The following DPY19L1 variants were observed in gnomAD, a reference collection of about 807,000 sequenced individuals.
The protein encoded by DPY19L1 is dpy-19 like C-mannosyltransferase 1, also known as protein C-mannosyl-transferase DPY19L1.
In DPY19L1, 35 loss-of-function variants were observed where a neutral mutation model predicts 96.9. That is an observed-to-expected ratio of 0.36 (90% CI 0.28 to 0.48). The LOEUF is 0.48. DPY19L1 is among the 20% of genes least tolerant of loss of function. The pLI is 0.99. For synonymous variants in DPY19L1, 205 were observed against 252.6 expected (o/e 0.81, Z 1.79); for missense variants, 521 against 777.9 (o/e 0.67, Z 3.93).
chr7:34,941,919 T>C, intron 17 of DPY19L1, 35 bp from the exon 18 acceptor site: 3 of 1,555,716 alleles, frequency 1.9e-6, no homozygotes, highest in Non-Finnish European at 2.6e-6. Flanking sequence ...TTACTCCTAC[T>C]GTTTGTGAAG....
At chr7:35,032,196 G>T (rs79787993) in intron 1 of DPY19L1, among the ~76,000 whole-genome samples, 2,858 of 152,146 alleles carry the variant, frequency 0.019, 38 homozygotes, top group Non-Finnish European at 0.03. Context: ...TGGACTCTAG[G>T]GTTTCATTTC....
chr7:35,017,673 A>G (rs1312706438), intron 3 of DPY19L1, among the ~76,000 whole-genome samples: 1 of 150,576 alleles, frequency 6.6e-6, no homozygotes, highest in East Asian at 1.9e-4. Flanking sequence ...CTCCGTCTCG[A>G]AAAAAAAATT....
At chr7:34,981,403 C>A (rs1784936254) in intron 7 of DPY19L1, among the ~76,000 whole-genome samples, 1 of 152,120 alleles carries the variant, frequency 6.6e-6, no homozygotes, top group African/African-American at 2.4e-5. Context: ...AGGCAAGAAT[C>A]ATCAGTGGAT....
At chr7:34,985,737 T>C (rs1196415013) in intron 7 of DPY19L1, among the ~76,000 whole-genome samples, 2 of 152,130 alleles carry the variant, frequency 1.3e-5, no homozygotes, top group African/African-American at 2.4e-5. Context: ...TGTAAATTTA[T>C]ACAGTCATTT....
At chr7:34,974,922 G>A (rs1332610321) in intron 7 of DPY19L1, among the ~76,000 whole-genome samples, 1 of 152,006 alleles carries the variant, frequency 6.6e-6, no homozygotes, top group African/African-American at 2.4e-5. Context: ...AGTAATCTCT[G>A]ATATTACTAT....
rs563327749 is a variant in DPY19L1, at chr7:34,939,926, T to C, written c.1864+227A>G. Among the ~76,000 whole-genome samples, 110 of 152,210 alleles carry C rather than the reference T, an allele frequency of 7.2e-4. 1 individual carries two copies. The highest frequency in any genetic ancestry group is 2.5e-3 in the African/African-American group (102 of 41,554). On this transcript the variant is annotated intron_variant, in intron 19 of 21. Transcript: ENST00000638088. ...TAAATTTTGAAAAAATTAAAATCTA[T>C]AAAAAATGGCAGAATAAATTACTAA...
intron 8 of DPY19L1, among the ~76,000 whole-genome samples, chr7:34,970,982 C>T (rs188812230): frequency 1.9e-3 from 290 of 152,184 alleles, no homozygotes; most frequent in African/African-American, 6.4e-3. Context: ...ATACCACTAA[C>T]CTTATTTATA....
chr7:34,941,303 ACCAAGGAAGGC>A (rs1172386597), intron 18 of DPY19L1, among the ~76,000 whole-genome samples: 1 of 152,208 alleles, frequency 6.6e-6, no homozygotes, highest in Non-Finnish European at 1.5e-5. Context: ...GCAGCAAACC[ACCAAGGAAGGC>A]TTAAACTAAA....
intron 1 of DPY19L1, among the ~76,000 whole-genome samples, chr7:35,019,335 G>A (rs1294863457): frequency 6.6e-6 from 1 of 152,164 alleles, no homozygotes; most frequent in Admixed American, 6.5e-5. Flanking sequence ...CCATTACTGG[G>A]GAAGCAGAGG....
intron 4 of DPY19L1, among the ~76,000 whole-genome samples, chr7:35,012,090 T>C (rs1158465648): frequency 6.6e-6 from 1 of 152,168 alleles, no homozygotes; most frequent in Non-Finnish European, 1.5e-5. Context: ...TGTCCCTCCA[T>C]GGGAACTGCC....
rs1222912268 is a variant in DPY19L1 at position 35,037,473 on chromosome 7, C to T, written c.-79G>A. ...GGCGGGCTGGCTGGGCGGCTGGGCG[C>T]AGCTCACTCTCCAGCGGGCGGGCGG... On this transcript the variant is annotated 5_prime_UTR_variant, in exon 1 of 22. Transcript: ENST00000638088. 2 of 312,804 alleles carry T rather than the reference C, an allele frequency of 6.4e-6. No homozygotes were observed. The highest frequency in any genetic ancestry group is 5.0e-5 in the Admixed American group (1 of 19,820). The allele number at this position is 312,804 out of a possible 1,614,324, so 19.4% of individuals were successfully genotyped here. A position where few individuals can be genotyped will look rare whatever the true frequency, so the allele number is the denominator to read the frequency against.
intron 6 of DPY19L1, among the ~76,000 whole-genome samples, chr7:34,993,150 G>A (rs1344779359): frequency 3.9e-5 from 6 of 152,150 alleles, no homozygotes; most frequent in Non-Finnish European, 8.8e-5. Flanking sequence ...AAACTTTTAT[G>A]TATTTAAATA....
chr7:35,000,575 A>T (rs533549828), intron 6 of DPY19L1: 1 of 152,334 alleles, frequency 6.6e-6, no homozygotes, highest in Non-Finnish European at 1.5e-5. Flanking sequence ...ACAGCTAAAA[A>T]TGGAGCACAA....
chr7:35,005,696 C>G (rs1176431292), intron 6 of DPY19L1, among the ~76,000 whole-genome samples: 1 of 150,556 alleles, frequency 6.6e-6, no homozygotes, highest in Non-Finnish European at 1.5e-5. Flanking sequence ...GCCTGTAATC[C>G]CAGATACTCA....
At chr7:34,998,277 T>C (rs566650267) in intron 6 of DPY19L1, among the ~76,000 whole-genome samples, 1 of 152,194 alleles carries the variant, frequency 6.6e-6, no homozygotes, top group East Asian at 1.9e-4. Flanking sequence ...AATGAAGAAC[T>C]GGGTAGAGAC....
rs550387933 is a variant in DPY19L1 at position 34,973,619 on chromosome 7, T to A, written c.823-14A>T. The A allele has an allele frequency of 8.0e-5, 111 of 1,381,064 alleles. 1 individual carries two copies. The Admixed American group carries it at 1.1e-3, about 14-fold the overall frequency. The allele number at this position is 1,381,064 out of a possible 1,614,324, so 85.6% of individuals were successfully genotyped here. A position where few individuals can be genotyped will look rare whatever the true frequency, so the allele number is the denominator to read the frequency against. On this transcript the variant is annotated splice_polypyrimidine_tract_variant and intron_variant, in intron 7 of 21. Transcript: ENST00000638088. ...TACACGGGTACACTGAAAAAAAAAA[T>A]TTGTAGTATAGTATACTTGCTAAAT...
intron 1 of DPY19L1, among the ~76,000 whole-genome samples, chr7:35,031,723 T>C (rs961216193): frequency 1.3e-5 from 2 of 152,186 alleles, no homozygotes; most frequent in Non-Finnish European, 2.9e-5. Context: ...ACTAAACTTA[T>C]CAAATTTGTT....
At chr7:35,016,575 G>A (rs1785853234) in intron 3 of DPY19L1, among the ~76,000 whole-genome samples, 1 of 152,158 alleles carries the variant, frequency 6.6e-6, no homozygotes, top group African/African-American at 2.4e-5. Flanking sequence ...AGTTTGAGAA[G>A]GATAATGAAA....
At chr7:34,977,510 C>G (rs566752467) in intron 7 of DPY19L1, among the ~76,000 whole-genome samples, 52 of 152,298 alleles carry the variant, frequency 3.4e-4, no homozygotes, top group African/African-American at 1.2e-3. Context: ...GCAAGGTCTT[C>G]TCCCTCCAAA....
Sources: allele counts gnomAD v4.1 joint callset (sites outside exome capture counted in the v4.1 genomes callset), GRCh38; gene constraint gnomAD v4.1.1; transcripts MANE v1.5; gene names NCBI Gene and HGNC (gene_info 2026-07-23, HGNC 2026-07-21).